Variants in METTL22 observed in about 807,000 individuals in gnomAD.
METTL22 encodes methyltransferase 22, Kin17 lysine.
Under a neutral mutation model 48.4 loss-of-function variants are expected in METTL22, and 51 were observed. That is an observed-to-expected ratio of 1.05 (90% confidence interval 0.84 to 1.33). The LOEUF is 1.33. METTL22 is among the 40% of genes most tolerant of loss of function. The pLI, the probability that METTL22 is intolerant of heterozygous loss-of-function variation, is 0.00. For synonymous variants in METTL22, 255 were observed against 214.1 expected (o/e 1.19, Z -1.67); for missense variants, 678 against 526.9 (o/e 1.29, Z -2.81).
chr16:8,627,478 C>G (rs931626507), intron 2 of METTL22, among the ~76,000 whole-genome samples: 1 of 152,284 alleles, frequency 6.6e-6, no homozygotes, highest in Admixed American at 6.5e-5. Flanking sequence ...CCTGGCCACC[C>G]TCCCTAACCC....
At chr16:8,664,433 C>T in the METTL22 span, among the ~76,000 whole-genome samples, 3 of 151,896 alleles carry the variant, frequency 2.0e-5, no homozygotes, top group African/African-American at 7.3e-5. Context: ...GTGTGAGCCA[C>T]CACGCCCAGC....
At chr16:8,624,790 T>C (rs1351250269) in intron 1 of METTL22, among the ~76,000 whole-genome samples, 2 of 152,224 alleles carry the variant, frequency 1.3e-5, no homozygotes, top group Admixed American at 1.3e-4. Flanking sequence ...CGCGTGAAGT[T>C]TGAGGCTGCA....
chr16:8,660,823 G>A, the METTL22 span, among the ~76,000 whole-genome samples: 2 of 5,546 alleles, frequency 3.6e-4, no homozygotes, highest in Non-Finnish European at 1.4e-3. Context: ...AGGAGGAGGA[G>A]GAGGAGGGGG....
chr16:8,665,791 C>A, the METTL22 span, among the ~76,000 whole-genome samples: 2 of 152,178 alleles, frequency 1.3e-5, no homozygotes, highest in African/African-American at 2.4e-5. Flanking sequence ...GGCGGAGACA[C>A]CCCTGGAATA....
chr16:8,658,352 A>G, the METTL22 span, among the ~76,000 whole-genome samples: 1 of 152,290 alleles, frequency 6.6e-6, no homozygotes, highest in East Asian at 1.9e-4. Flanking sequence ...CACTGTTTTA[A>G]TCCCCCAGTT....
At position 8,646,985 on chromosome 16, in the gene METTL22, C is replaced by G. The variant is rs976242634; in HGVS notation, c.*842C>G. On this transcript the variant is annotated 3_prime_UTR_variant, in exon 11 of 11. Coordinates refer to ENST00000381920, the MANE Select transcript of METTL22 (RefSeq NM_024109.4). ...TCTCTCCTTCTCTCCAGTTTTGGTC[C>G]CATCTTCCTGCTACCCTTGGCCCTC... The G allele has an allele frequency of 6.1e-5, 20 of 328,080 alleles. No individual in the cohort carries two copies. The highest frequency in any genetic ancestry group is 1.0e-3 in the Middle Eastern group (1 of 986). 20.3% of individuals were successfully genotyped at this position (328,080 alleles called of 1,614,324 possible).
intron 3 of METTL22, among the ~76,000 whole-genome samples, chr16:8,630,555 A>G (rs996972919): frequency 1.3e-5 from 2 of 151,936 alleles, no homozygotes; most frequent in Non-Finnish European, 1.5e-5. Context: ...ACGATGGCTC[A>G]TTTCCCTCTG....
intron 3 of METTL22, among the ~76,000 whole-genome samples, chr16:8,633,229 G>A (rs1416170223): frequency 6.6e-6 from 1 of 152,082 alleles, no homozygotes; most frequent in African/African-American, 2.4e-5. Context: ...TTCATCCTGG[G>A]AGGCTCTGCC....
At chr16:8,638,819 A>C (rs1015515791) in intron 5 of METTL22, among the ~76,000 whole-genome samples, 3 of 152,162 alleles carry the variant, frequency 2.0e-5, no homozygotes, top group Non-Finnish European at 4.4e-5. Context: ...CGCGTGTTGC[A>C]TGTGCTCGGA....
the METTL22 span, among the ~76,000 whole-genome samples, chr16:8,663,387 G>C: frequency 2.6e-5 from 4 of 152,044 alleles, no homozygotes; most frequent in African/African-American, 7.2e-5. Context: ...CTTCGCCTAA[G>C]TGTTACTTGA....
chr16:8,624,617 G>C (rs1219639741), intron 1 of METTL22, among the ~76,000 whole-genome samples: 14 of 151,912 alleles, frequency 9.2e-5, no homozygotes, highest in Non-Finnish European at 1.9e-4. Context: ...TGTAATCCCA[G>C]CACTTTAGGA....
rs1284024368 is a variant in METTL22, at chr16:8,641,185, G to T, written c.826+1G>T. The T allele has an allele frequency of 6.2e-7, 1 of 1,613,946 alleles. No individual in the cohort carries two copies. The highest frequency in any genetic ancestry group is 8.5e-7 in the Non-Finnish European group (1 of 1,179,912). ...TGGCTGAAGGACGACCTCTGCACAG[G>T]TGTGTGTTTCTCTCGGACGTCCCCC... On this transcript the variant is annotated splice_donor_variant, in intron 7 of 10. Transcript: ENST00000381920. LOFTEE classifies it high-confidence loss of function.
the METTL22 span, chr16:8,667,013 C>G: frequency 1.3e-5 from 2 of 151,878 alleles, no homozygotes. Flanking sequence ...CCAGGCTGGT[C>G]TCGAACTCCT....
chr16:8,640,946 G>GGATGGA (rs1332913099), intron 6 of METTL22, among the ~76,000 whole-genome samples, 185 bp from the exon 7 acceptor site: 2,480 of 35,186 alleles, frequency 0.07, 338 homozygotes, highest in Middle Eastern at 0.11. Context: ...GGATGGATGG[G>GGATGGA]TGGGTGGATG....
chr16:8,661,702 A>G, the METTL22 span, among the ~76,000 whole-genome samples: 5 of 141,752 alleles, frequency 3.5e-5, 1 homozygote, highest in African/African-American at 1.3e-4. Flanking sequence ...ACAACTTTGT[A>G]CTCATATTAT....
the METTL22 span, chr16:8,667,141 G>T: frequency 6.6e-6 from 1 of 151,944 alleles, no homozygotes; most frequent in Non-Finnish European, 1.5e-5. Context: ...GAGGAGAGAT[G>T]AGGACGAGAG....
At chr16:8,640,129 G>T (rs2056551201) in intron 6 of METTL22, among the ~76,000 whole-genome samples, 1 of 152,198 alleles carries the variant, frequency 6.6e-6, no homozygotes, top group Non-Finnish European at 1.5e-5. Context: ...ATTCCCACCG[G>T]ACTACAAGCT....
the METTL22 span, among the ~76,000 whole-genome samples, chr16:8,659,646 A>T: frequency 6.6e-6 from 1 of 152,192 alleles, no homozygotes; most frequent in South Asian, 2.1e-4. Flanking sequence ...TGAGGCAAAA[A>T]GGTGACTGCA....
intron 2 of METTL22, 106 bp downstream of exon 2, chr16:8,625,904 A>G: frequency 7.1e-7 from 1 of 1,405,420 alleles, no homozygotes; most frequent in Non-Finnish European, 9.8e-7. Context: ...CGTAACTGTT[A>G]TCCTCAGACC....
Sources: gnomAD v4.1 joint callset for allele counts (sites outside exome capture counted in the v4.1 genomes callset) on GRCh38, gnomAD v4.1.1 for gene constraint, MANE v1.5 for transcripts, NCBI Gene and HGNC (gene_info 2026-07-23, HGNC 2026-07-21) for gene names.